Variants in RALGAPA1 observed in about 807,000 individuals in gnomAD.
The protein encoded by RALGAPA1 is ral GTPase-activating protein subunit alpha-1.
A neutral mutation model predicts 269.6 loss-of-function variants in RALGAPA1; 52 were observed. That is an observed-to-expected ratio of 0.19 (90% confidence interval 0.15 to 0.24). The LOEUF is 0.24. Ranked by LOEUF, RALGAPA1 falls within the 10% of genes least tolerant of loss-of-function variation. The pLI is 1.00. For missense variants in RALGAPA1, 1,917 were observed against 3,013.9 expected (o/e 0.64, Z 8.52); for synonymous variants, 817 against 1,008.3 (o/e 0.81, Z 3.60).
chr14:35,659,955 A>AT (rs201024963), intron 27 of RALGAPA1, among the ~76,000 whole-genome samples: 734 of 152,100 alleles, frequency 4.8e-3, no homozygotes, highest in African/African-American at 0.016. Context: ...AAAATATAAA[A>AT]TTTTTTTGCA....
chr14:35,631,986 T>C (rs564044754), intron 33 of RALGAPA1, among the ~76,000 whole-genome samples: 1 of 152,282 alleles, frequency 6.6e-6, no homozygotes, highest in African/African-American at 2.4e-5. Context: ...GAGAATGCAG[T>C]TTAAATGAGC....
In RALGAPA1 at chr14:35,688,971, C is replaced by T. The variant is rs1204003982; in HGVS notation, c.3440G>A (p.Arg1147Gln). 13 of 1,235,260 alleles carry T rather than the reference C, an allele frequency of 1.1e-5. No homozygotes were observed. Among genetic ancestry groups the T allele is most frequent in the African/African-American group, 6.2e-5 (4 of 64,468 alleles). 76.5% of individuals were successfully genotyped at this position (1,235,260 alleles called of 1,614,324 possible). Residue 1147 changes from arginine (R) to glutamine (Q), a missense_variant, in exon 18 of 42, where the codon CGA becomes CAA. Transcript: ENST00000680220. ...AKIMKIATKK[R>Q]NSVHVTFRPS... ...CCTAAAAGTAACATGAACACTATTTCGTTTTTTAGTAGCAATTTTCATGAT... is the reference window on the plus strand; with the variant it reads ...CCTAAAAGTAACATGAACACTATTTTGTTTTTTAGTAGCAATTTTCATGAT...
At chr14:35,588,230 A>G (rs2058431083) in intron 37 of RALGAPA1, among the ~76,000 whole-genome samples, 2 of 152,228 alleles carry the variant, frequency 1.3e-5, no homozygotes, top group South Asian at 2.1e-4. Context: ...CTCCCGGCCA[A>G]CAACTCTTAA....
rs779058939 is a variant in RALGAPA1, at chr14:35,605,568, A to G, written c.7053+18T>C. 3 of 1,567,166 alleles carry G rather than the reference A, an allele frequency of 1.9e-6. No homozygotes were observed. Among genetic ancestry groups the G allele is most frequent in the South Asian group, 1.2e-5 (1 of 81,538 alleles). ...ATGCTTCCAAATATAAATATTTCGT[A>G]TAATTTAAAAATAATACCTCCCAAC... On this transcript the variant is annotated intron_variant, in intron 36 of 41. Coordinates refer to ENST00000680220, the MANE Select transcript of RALGAPA1 (RefSeq NM_001346249.2).
intron 31 of RALGAPA1, among the ~76,000 whole-genome samples, chr14:35,643,506 T>C (rs987744913): frequency 6.6e-6 from 1 of 152,134 alleles, no homozygotes; most frequent in African/African-American, 2.4e-5. Context: ...AGATAACTAC[T>C]ATATGATCCA....
At chr14:35,560,538 A>G (rs1197503365) in intron 39 of RALGAPA1, among the ~76,000 whole-genome samples, 1 of 152,050 alleles carries the variant, frequency 6.6e-6, no homozygotes, top group African/African-American at 2.4e-5. Flanking sequence ...AAAATTAATC[A>G]CCTTTACCAT....
chr14:35,643,039 G>C (rs1356586367), intron 31 of RALGAPA1, among the ~76,000 whole-genome samples: 2 of 152,212 alleles, frequency 1.3e-5, no homozygotes, highest in East Asian at 3.9e-4. Flanking sequence ...GTAGGGACAT[G>C]GATAAAGCTG....
At chr14:35,629,033 T>C (rs1476112830) in intron 33 of RALGAPA1, among the ~76,000 whole-genome samples, 1 of 151,880 alleles carries the variant, frequency 6.6e-6, no homozygotes, top group East Asian at 1.9e-4. Flanking sequence ...ACAGAGACAG[T>C]AACGAGGTAA....
At chr14:35,628,089 T>C (rs559046534) in intron 33 of RALGAPA1, 138 bp from the exon 34 acceptor site, 2 of 1,026,602 alleles carry the variant, frequency 1.9e-6, no homozygotes, top group African/African-American at 1.6e-5. Flanking sequence ...ACAGTAATGA[T>C]GGCAAAAAAG....
At chr14:35,708,084 C>T (rs906892193) in intron 16 of RALGAPA1, among the ~76,000 whole-genome samples, 1 of 152,070 alleles carries the variant, frequency 6.6e-6, no homozygotes, top group Admixed American at 6.6e-5. Context: ...AAACTAGATC[C>T]CTTTCTCCAT....
At chr14:35,617,558 C>T (rs2139419301) in intron 35 of RALGAPA1, among the ~76,000 whole-genome samples, 1 of 138,504 alleles carries the variant, frequency 7.2e-6, no homozygotes, top group East Asian at 2.1e-4. Context: ...GCGGAGGTTG[C>T]AGTGAGCCGT....
chr14:35,701,513 T>C (rs559930101), intron 16 of RALGAPA1, among the ~76,000 whole-genome samples: 3 of 152,334 alleles, frequency 2.0e-5, no homozygotes, highest in African/African-American at 7.2e-5. Context: ...AATTTTATAA[T>C]GTTCCTTAAA....
At chr14:35,562,688 A>G (rs915972947) in intron 39 of RALGAPA1, among the ~76,000 whole-genome samples, 4 of 152,036 alleles carry the variant, frequency 2.6e-5, no homozygotes, top group African/African-American at 7.2e-5. Flanking sequence ...ATCACAAACT[A>G]TAAGTTACTA....
chr14:35,753,176 C>T lies in RALGAPA1; in HGVS notation c.664-1014G>A, dbSNP rs76778108. ...AAGTAAGGAAGTGCTTAGACAATGA[C>T]GGAAACAATTCAAAGGCATAGGATT... On this transcript the variant is annotated intron_variant, in intron 7 of 41. Coordinates refer to ENST00000680220, the MANE Select transcript of RALGAPA1 (RefSeq NM_001346249.2). Among the ~76,000 whole-genome samples, 347 of 152,258 alleles carry T rather than the reference C, an allele frequency of 2.3e-3. 9 individuals carry two copies. In the East Asian group the frequency reaches 0.055, roughly 24 times the overall value.
chr14:35,763,228 C>T (rs1225217510), intron 4 of RALGAPA1, among the ~76,000 whole-genome samples: 1 of 151,958 alleles, frequency 6.6e-6, no homozygotes, highest in Non-Finnish European at 1.5e-5. Context: ...ATATTTCAAA[C>T]CTATAATAAA....
intron 39 of RALGAPA1, 73 bp downstream of exon 39, chr14:35,570,544 A>T: frequency 8.2e-7 from 1 of 1,225,020 alleles, no homozygotes; most frequent in Non-Finnish European, 1.1e-6. Context: ...GGCTTTAACA[A>T]TATATAAGAA....
At chr14:35,739,497 C>T (rs539762731) in intron 11 of RALGAPA1, among the ~76,000 whole-genome samples, 22 of 152,232 alleles carry the variant, frequency 1.4e-4, no homozygotes, top group Non-Finnish European at 2.5e-4. Flanking sequence ...CCACAAGCAT[C>T]TCAAACTTCA....
intron 17 of RALGAPA1, among the ~76,000 whole-genome samples, chr14:35,694,649 T>G (rs951366019): frequency 6.6e-6 from 1 of 152,170 alleles, no homozygotes; most frequent in Admixed American, 6.5e-5. Context: ...ATTGTTTTCC[T>G]GATTTTAAAA....
At chr14:35,787,041 CCTT>C in intron 1 of RALGAPA1, among the ~76,000 whole-genome samples, 1 of 152,324 alleles carries the variant, frequency 6.6e-6, no homozygotes, top group Middle Eastern at 3.4e-3. Flanking sequence ...CCCCATGAAG[CCTT>C]CTCTGAGCCA....
Sources: gnomAD v4.1 joint callset for allele counts (sites outside exome capture counted in the v4.1 genomes callset) on GRCh38, gnomAD v4.1.1 for gene constraint, MANE v1.5 for transcripts, NCBI Gene and HGNC (gene_info 2026-07-23, HGNC 2026-07-21) for gene names.